The following RALGAPA1 variants were observed in gnomAD, a reference collection of about 807,000 sequenced individuals.
RALGAPA1 encodes the protein Ral GTPase activating protein catalytic subunit alpha 1.
A neutral mutation model predicts 269.6 loss-of-function variants in RALGAPA1; 52 were observed. The ratio of observed to expected loss-of-function variants is 0.19; its 90% confidence interval spans 0.15 to 0.24. The LOEUF is 0.24. RALGAPA1 is among the 10% of genes least tolerant of loss of function. The pLI, the probability that RALGAPA1 is intolerant of heterozygous loss-of-function variation, is 1.00. For missense variants in RALGAPA1, 1,917 were observed against 3,013.9 expected (o/e 0.64, Z 8.52); for synonymous variants, 817 against 1,008.3 (o/e 0.81, Z 3.60).
chr14:35,558,663 C>A (rs2055862640), intron 39 of RALGAPA1, among the ~76,000 whole-genome samples: 1 of 152,174 alleles, frequency 6.6e-6, no homozygotes, highest in Admixed American at 6.5e-5. Context: ...ATCAGTTCTG[C>A]AACAGCTATT....
At chr14:35,594,364 C>T (rs186356400) in intron 37 of RALGAPA1, among the ~76,000 whole-genome samples, 25 of 152,112 alleles carry the variant, frequency 1.6e-4, no homozygotes, top group Non-Finnish European at 3.2e-4. Context: ...ATTTGCAAAC[C>T]GCTTATCTAT....
intron 6 of RALGAPA1, 144 bp downstream of exon 6, chr14:35,760,685 A>T: frequency 1.7e-6 from 1 of 574,396 alleles, no homozygotes; most frequent in Non-Finnish European, 3.0e-6. Flanking sequence ...TGACTTCACC[A>T]TACCTGAATA....
At chr14:35,644,175 C>A (rs1476121037) in intron 31 of RALGAPA1, among the ~76,000 whole-genome samples, 1 of 152,056 alleles carries the variant, frequency 6.6e-6, no homozygotes, top group Non-Finnish European at 1.5e-5. Flanking sequence ...CTACTATGTA[C>A]CCAGAACAAT....
At chr14:35,655,553 G>T (rs2063123595) in intron 29 of RALGAPA1, among the ~76,000 whole-genome samples, 1 of 151,900 alleles carries the variant, frequency 6.6e-6, no homozygotes, top group African/African-American at 2.4e-5. Flanking sequence ...TCCTTTTTTA[G>T]ATGTCTACCA....
intron 26 of RALGAPA1, among the ~76,000 whole-genome samples, chr14:35,670,877 C>T (rs1240352613): frequency 1.3e-5 from 2 of 151,176 alleles, no homozygotes; most frequent in African/African-American, 4.9e-5. Context: ...GAGCCAAGAT[C>T]GCACCACTGC....
intron 22 of RALGAPA1, chr14:35,676,825 A>C (rs1054113849): frequency 1.3e-5 from 2 of 152,258 alleles, no homozygotes; most frequent in Admixed American, 6.5e-5. Context: ...AAATATAGAC[A>C]AAGTGGCAAA....
chr14:35,650,661 ACT>A (rs2062767556), intron 31 of RALGAPA1, among the ~76,000 whole-genome samples: 1 of 152,214 alleles, frequency 6.6e-6, no homozygotes, highest in Non-Finnish European at 1.5e-5. Flanking sequence ...CAGAAACATA[ACT>A]ATAGCTTCAG....
chr14:35,553,966 C>T (rs1251322419), intron 39 of RALGAPA1, among the ~76,000 whole-genome samples: 1 of 152,154 alleles, frequency 6.6e-6, no homozygotes, highest in Non-Finnish European at 1.5e-5. Flanking sequence ...GGCTTCTTTG[C>T]AGTTTCAGCA....
chr14:35,605,804 A>G (rs900778602), intron 35 of RALGAPA1, 95 bp from the exon 36 acceptor site: 37 of 1,368,698 alleles, frequency 2.7e-5, no homozygotes, highest in Non-Finnish European at 3.2e-5. Flanking sequence ...TGTAGCAATA[A>G]AAAGATGAAA....
intron 1 of RALGAPA1, among the ~76,000 whole-genome samples, chr14:35,779,874 A>C (rs954768190): frequency 6.6e-6 from 1 of 152,212 alleles, no homozygotes; most frequent in African/African-American, 2.4e-5. Flanking sequence ...CTATAATCCC[A>C]GCACTTTGGG....
chr14:35,560,044 T>C (rs375210968), intron 39 of RALGAPA1, among the ~76,000 whole-genome samples: 19 of 152,200 alleles, frequency 1.2e-4, no homozygotes, highest in Admixed American at 3.9e-4. Flanking sequence ...CAACTAATTA[T>C]CATAAAAAAG....
chr14:35,675,237 G>A (rs192217415), intron 22 of RALGAPA1, among the ~76,000 whole-genome samples: 9 of 152,248 alleles, frequency 5.9e-5, no homozygotes, highest in East Asian at 3.9e-4. Flanking sequence ...GTGCAATGGC[G>A]TGATCTTGAC....
At chr14:35,579,185 T>A (rs566550791) in intron 37 of RALGAPA1, among the ~76,000 whole-genome samples, 14 of 152,158 alleles carry the variant, frequency 9.2e-5, no homozygotes, top group Admixed American at 7.2e-4. Flanking sequence ...ACACAGCCCT[T>A]AAGATGTGAA....
At chr14:35,740,991 G>T (rs527332932) in intron 11 of RALGAPA1, among the ~76,000 whole-genome samples, 2 of 152,076 alleles carry the variant, frequency 1.3e-5, no homozygotes, top group South Asian at 4.1e-4. Context: ...TGCAAGAGTC[G>T]CTGGCACTTC....
In RALGAPA1 at chr14:35,706,161, T is replaced by A. The variant is rs974720161; in HGVS notation, c.2267-5859A>T. Among the ~76,000 whole-genome samples, 3 of 152,206 alleles carry A rather than the reference T, an allele frequency of 2.0e-5. No homozygotes were observed. The East Asian group carries it at 5.8e-4, about 29-fold the overall frequency. On this transcript the variant is annotated intron_variant, in intron 16 of 41. Coordinates refer to ENST00000680220, the MANE Select transcript of RALGAPA1 (RefSeq NM_001346249.2). ...ATTTAATAAAGTCCAACTTAGCAATTTTTTCTTTCATGAATTTTATTGTTG... is the reference window on the plus strand; with the variant it reads ...ATTTAATAAAGTCCAACTTAGCAATATTTTCTTTCATGAATTTTATTGTTG...
chr14:35,607,255 T>C (rs1306891173), intron 35 of RALGAPA1, among the ~76,000 whole-genome samples: 2 of 152,186 alleles, frequency 1.3e-5, no homozygotes, highest in Admixed American at 6.5e-5. Flanking sequence ...CTCAGCTCAA[T>C]GTTGCAGAAG....
chr14:35,554,452 T>C (rs1370694516), intron 39 of RALGAPA1, among the ~76,000 whole-genome samples: 5 of 143,660 alleles, frequency 3.5e-5, no homozygotes, highest in African/African-American at 1.3e-4. Flanking sequence ...GTTCACGCCA[T>C]TCTCCTGCCT....
At chr14:35,749,265 G>A (rs563191093) in intron 9 of RALGAPA1, among the ~76,000 whole-genome samples, 1 of 152,106 alleles carries the variant, frequency 6.6e-6, no homozygotes, top group Admixed American at 6.6e-5. Flanking sequence ...ATTTAGACAA[G>A]TAAAAGTTTC....
intron 17 of RALGAPA1, among the ~76,000 whole-genome samples, chr14:35,695,515 A>G (rs2066832282): frequency 6.6e-6 from 1 of 152,182 alleles, no homozygotes; most frequent in Non-Finnish European, 1.5e-5. Flanking sequence ...ATAAAAAGAG[A>G]TCAGTCCCCA....
Sources: allele counts gnomAD v4.1 joint callset (sites outside exome capture counted in the v4.1 genomes callset), GRCh38; gene constraint gnomAD v4.1.1; transcripts MANE v1.5; gene names NCBI Gene and HGNC (gene_info 2026-07-23, HGNC 2026-07-21).